NOL4: variants seen among roughly 807,000 people sequenced by gnomAD.
NOL4 encodes cancer/testis antigen 125.
Under a neutral mutation model 75.9 loss-of-function variants are expected in NOL4, and 17 were observed. That is an observed-to-expected ratio of 0.22 (90% CI 0.15 to 0.34). The LOEUF (loss-of-function observed/expected upper bound fraction) is 0.34, where lower values mean the gene tolerates loss of function less well. NOL4 is among the 10% of genes least tolerant of loss of function. NOL4 has a pLI of 1.00. For synonymous variants in NOL4, 292 were observed against 289.9 expected, an observed-to-expected ratio of 1.01 and a Z score of -0.07; for missense variants, 614 against 793.5, an observed-to-expected ratio of 0.77 and a Z score of 2.72.
At chr18:34,103,010 A>T (rs1354204089) in intron 4 of NOL4, among the ~76,000 whole-genome samples, 1 of 151,990 alleles carries the variant, frequency 6.6e-6, no homozygotes, top group East Asian at 1.9e-4. Flanking sequence ...CAATTTTATA[A>T]ATATAGCTTG....
chr18:34,095,517 G>C (rs2078737486), intron 4 of NOL4, among the ~76,000 whole-genome samples: 1 of 151,948 alleles, frequency 6.6e-6, no homozygotes, highest in Non-Finnish European at 1.5e-5. Context: ...CCAGTTATTA[G>C]ATATGCTACC....
chr18:33,872,150 T>C (rs1202649591), intron 10 of NOL4, among the ~76,000 whole-genome samples: 1 of 152,024 alleles, frequency 6.6e-6, no homozygotes, highest in Non-Finnish European at 1.5e-5. Flanking sequence ...AAACAAAGAA[T>C]AAGCTCAGTG....
At chr18:34,147,038 G>A (rs1003658504) in intron 1 of NOL4, among the ~76,000 whole-genome samples, 3 of 151,926 alleles carry the variant, frequency 2.0e-5, no homozygotes, top group African/African-American at 7.2e-5. Flanking sequence ...TTGGTGTATA[G>A]GAATGCTTGT....
chr18:34,187,663 G>T (rs1392130672), intron 1 of NOL4, among the ~76,000 whole-genome samples: 4 of 152,058 alleles, frequency 2.6e-5, no homozygotes, highest in African/African-American at 9.7e-5. Flanking sequence ...CTGGATTACA[G>T]GCGTGAGCCA....
chr18:34,167,135 T>C (rs1041286543), intron 1 of NOL4, among the ~76,000 whole-genome samples: 70 of 151,180 alleles, frequency 4.6e-4, no homozygotes, highest in African/African-American at 1.5e-3. Flanking sequence ...TATATCATAT[T>C]AGGTATTATA....
intron 5 of NOL4, among the ~76,000 whole-genome samples, chr18:34,085,628 C>T (rs1354081677): frequency 3.9e-5 from 6 of 152,030 alleles, no homozygotes; most frequent in Admixed American, 1.3e-4. Context: ...TGAAAACACA[C>T]TTATGTAATA....
chr18:34,209,234 G>C (rs1161996787), intron 1 of NOL4, among the ~76,000 whole-genome samples: 1 of 148,610 alleles, frequency 6.7e-6, no homozygotes, highest in Non-Finnish European at 1.5e-5. Flanking sequence ...AAAATCACAT[G>C]TTATATAGAA....
At chr18:33,891,639 G>C (rs572002191) in intron 9 of NOL4, among the ~76,000 whole-genome samples, 1 of 152,252 alleles carries the variant, frequency 6.6e-6, no homozygotes, top group South Asian at 2.1e-4. Context: ...TTCGTATTTG[G>C]AAAATAACAA....
At position 33,957,432 on chromosome 18, in the gene NOL4, A is replaced by G; in HGVS notation, c.1322T>C (p.Ile441Thr). The G allele has an allele frequency of 3.1e-6, 5 of 1,613,722 alleles. No individual in the cohort carries two copies. The highest frequency in any genetic ancestry group is 1.1e-5 in the South Asian group (1 of 91,068). ...AGGGAATTGTCGCCTGCATGAGTCAATGATAGCCTGGATCTTTTCTTTGGG... is the reference window on the plus strand; with the variant it reads ...AGGGAATTGTCGCCTGCATGAGTCAGTGATAGCCTGGATCTTTTCTTTGGG... ...KQPKEKIQAI[I>T]DSCRRQFPEY... is the part of the protein sequence containing the mutation. Residue 441 changes from isoleucine (I) to threonine (T), a missense_variant, in exon 8 of 11, where the codon ATT (isoleucine) becomes ACT (threonine). By Grantham distance (89) the Ile-to-Thr change is moderately conservative (BLOSUM62 -1). Around this residue, in one of 9 missense-constraint regions of NOL4, gnomAD observed 52 missense variants for 121.1 expected, o/e 0.43. Coordinates refer to ENST00000261592, the MANE Select transcript of NOL4 (RefSeq NM_003787.5).
chr18:34,056,477 C>A (rs962712291), intron 5 of NOL4, among the ~76,000 whole-genome samples: 3 of 152,160 alleles, frequency 2.0e-5, no homozygotes, highest in East Asian at 1.9e-4. Flanking sequence ...AGAATCTCTG[C>A]AGCTCTGAGG....
chr18:34,007,043 G>A (rs1432378489), intron 6 of NOL4, among the ~76,000 whole-genome samples: 1 of 151,948 alleles, frequency 6.6e-6, no homozygotes, highest in Non-Finnish European at 1.5e-5. Context: ...CTGGCCTACA[G>A]GTCTTAGTTC....
At chr18:33,940,818 C>G (rs1462003092) in intron 9 of NOL4, among the ~76,000 whole-genome samples, 1 of 151,890 alleles carries the variant, frequency 6.6e-6, no homozygotes, top group Non-Finnish European at 1.5e-5. Context: ...TATATGAGGA[C>G]ATATAAAAAG....
At chr18:34,206,685 T>C (rs1339208520) in intron 1 of NOL4, among the ~76,000 whole-genome samples, 1 of 152,142 alleles carries the variant, frequency 6.6e-6, no homozygotes, top group African/African-American at 2.4e-5. Context: ...GTTTCAATTA[T>C]GATGTGTTTG....
intron 1 of NOL4, among the ~76,000 whole-genome samples, chr18:34,196,036 C>G (rs1484807554): frequency 6.6e-6 from 1 of 151,982 alleles, no homozygotes; most frequent in Non-Finnish European, 1.5e-5. Context: ...ACTAATAAAT[C>G]TCATTTTCTG....
intron 1 of NOL4, among the ~76,000 whole-genome samples, chr18:34,193,411 G>A (rs2035066171): frequency 6.6e-6 from 1 of 151,998 alleles, no homozygotes; most frequent in Non-Finnish European, 1.5e-5. Context: ...CTCAATAGCA[G>A]AAAAATAATG....
intron 1 of NOL4, among the ~76,000 whole-genome samples, chr18:34,139,185 G>C (rs2081031476): frequency 1.3e-5 from 2 of 152,170 alleles, no homozygotes; most frequent in Admixed American, 1.3e-4. Context: ...GATGATGCTG[G>C]TCTCATAAAA....
intron 1 of NOL4, among the ~76,000 whole-genome samples, chr18:34,213,316 G>T (rs2036640374): frequency 1.3e-5 from 2 of 152,142 alleles, no homozygotes; most frequent in African/African-American, 4.8e-5. Flanking sequence ...TTGAGATGGA[G>T]TCTCACTCTG....
intron 6 of NOL4, among the ~76,000 whole-genome samples, chr18:33,995,599 C>T (rs1323005131): frequency 6.6e-6 from 1 of 151,570 alleles, no homozygotes; most frequent in Non-Finnish European, 1.5e-5. Context: ...CTCAGAGAAA[C>T]GTCTACCAAA....
chr18:34,148,207 A>G (rs766792494), intron 1 of NOL4, among the ~76,000 whole-genome samples: 5 of 151,566 alleles, frequency 3.3e-5, no homozygotes, highest in Non-Finnish European at 7.4e-5. Context: ...CCTTGTCTCT[A>G]TCTCCTTCAG....
Sources: gnomAD v4.1 joint callset for allele counts (sites outside exome capture counted in the v4.1 genomes callset) on GRCh38, gnomAD v4.1.1 for gene constraint, gnomAD v4.1.1 regional missense constraint, MANE v1.5 for transcripts, NCBI Gene and HGNC (gene_info 2026-07-23, HGNC 2026-07-21) for gene names.